SLC6A16: variants seen among roughly 807,000 people sequenced by gnomAD.
SLC6A16 encodes the protein solute carrier family 6 member 16, also known as orphan sodium- and chloride-dependent neurotransmitter transporter NTT5.
SLC6A16 carries 54 observed loss-of-function variants against 65.4 expected under a neutral mutation model. The observed-to-expected ratio is 0.83, with a 90% confidence interval of 0.66 to 1.04. The LOEUF is 1.04. Among genes scored for constraint, SLC6A16 ranks in the 50% least tolerant of loss-of-function variants. The probability of loss-of-function intolerance (pLI) is 0.00; values close to 1 mark genes in which losing one functional copy is unlikely to be tolerated. For synonymous variants in SLC6A16, 330 were observed against 346.5 expected (o/e 0.95, Z 0.53); for missense variants, 816 against 914.0 (o/e 0.89, Z 1.38).
At chr19:49,306,301 A>T (rs898539916) in intron 7 of SLC6A16, among the ~76,000 whole-genome samples, 4 of 152,042 alleles carry the variant, frequency 2.6e-5, no homozygotes, top group African/African-American at 9.7e-5. Context: ...CTGTCTCAAA[A>T]AAAAAAAGAA....
chr19:49,297,834 T>C (rs1367864921), intron 7 of SLC6A16, among the ~76,000 whole-genome samples: 1 of 152,032 alleles, frequency 6.6e-6, no homozygotes, highest in Non-Finnish European at 1.5e-5. Context: ...AAGTCAGATA[T>C]AAGAATGCAT....
chr19:49,330,182 A>C (rs569306208), upstream of SLC6A16, among the ~76,000 whole-genome samples: 3 of 152,204 alleles, frequency 2.0e-5, no homozygotes, highest in East Asian at 1.9e-4. Context: ...TTTACTGAAA[A>C]GGAAAGTACT....
chr19:49,299,435 T>C (rs1445958487), intron 7 of SLC6A16, among the ~76,000 whole-genome samples: 1 of 150,090 alleles, frequency 6.7e-6, no homozygotes. Context: ...GTGCCTGTAG[T>C]CCCAGCTACT....
chr19:49,297,763 G>A (rs1970212127), intron 7 of SLC6A16, among the ~76,000 whole-genome samples: 1 of 151,912 alleles, frequency 6.6e-6, no homozygotes, highest in Admixed American at 6.6e-5. Flanking sequence ...GGAATAAAAA[G>A]GAACGAACCT....
At chr19:49,340,323 C>T in the SLC6A16 span, 10 of 1,611,072 alleles carry the variant, frequency 6.2e-6, no homozygotes, top group Non-Finnish European at 8.5e-6. Flanking sequence ...CGCTCGATAC[C>T]GTTAGGCCCC....
In SLC6A16 at chr19:49,294,134, C is replaced by G. The variant is rs1970137134; in HGVS notation, c.1417-106G>C. 83 of 1,037,550 alleles carry G rather than the reference C, an allele frequency of 8.0e-5. 1 individual carries two copies. The South Asian group carries it at 1.1e-3, about 14-fold the overall frequency. The allele number at this position is 1,037,550 out of a possible 1,614,324, so 64.3% of individuals were successfully genotyped here. A position where few individuals can be genotyped will look rare whatever the true frequency, so the allele number is the denominator to read the frequency against. On this transcript the variant is annotated intron_variant, in intron 8 of 11. Coordinates refer to ENST00000335875, the MANE Select transcript of SLC6A16 (RefSeq NM_014037.3). The stretch of plus-strand genomic sequence containing the variant: ...TTCCCTGGAAAACTCCTGAAAATCC[C>G]TGGATCACTGAGAAAATCAGATGTC...
chr19:49,335,831 C>T, the SLC6A16 span: 1 of 1,500,858 alleles, frequency 6.7e-7, no homozygotes, highest in Non-Finnish European at 9.3e-7. This position sits in a 1 kb window ranked among gnomAD's most constrained non-coding sequence, Gnocchi z 4.6. Context: ...CCAACCCAAG[C>T]AACTTCCTGG....
chr19:49,290,273 G>T lies in SLC6A16; in HGVS notation c.2061C>A (p.Pro687=), dbSNP rs749393679. 1 of 1,614,164 alleles carries T rather than the reference G, an allele frequency of 6.2e-7. No individual in the cohort carries two copies. Among genetic ancestry groups the T allele is most frequent in the Non-Finnish European group, 8.5e-7 (1 of 1,180,042 alleles). The change falls in exon 12 of 12, where the codon CCC becomes CCA. Residue 687 remains proline (P), a synonymous_variant. Transcript: ENST00000335875. ...YFVYCRIHRI[P]FRPKSGDGPM... ...GCCCGTCTCCGCTCTTGGGCCTGAA[G>T]GGAATCCTATGTATGCGGCAGTATA...
intron 1 of SLC6A16, among the ~76,000 whole-genome samples, chr19:49,323,601 C>A (rs1251103943): frequency 2.6e-5 from 4 of 152,124 alleles, no homozygotes; most frequent in Non-Finnish European, 5.9e-5. Context: ...CCAAGAAGTA[C>A]ATGAAAAGAT....
intron 1 of SLC6A16, among the ~76,000 whole-genome samples, chr19:49,322,220 A>G (rs1455010716): frequency 6.6e-6 from 1 of 152,238 alleles, no homozygotes; most frequent in Non-Finnish European, 1.5e-5. Context: ...GAATTCAGCA[A>G]AGTAGCAGGA....
intron 10 of SLC6A16, 104 bp downstream of exon 10, chr19:49,293,119 G>A (rs990126321): frequency 2.4e-4 from 234 of 967,434 alleles, no homozygotes; most frequent in Middle Eastern, 9.8e-4. Flanking sequence ...TGAACTTAAG[G>A]GTCCCTATGT....
Position 49,293,954 on chromosome 19 carries a change from C to A in SLC6A16, c.1491G>T (p.Trp497Cys). ...GCAACATCAGGAAGAAGATAAAAGA[C>A]CAGAAGACAGACGGAGGAAGGAAGG... ...AMSFLPPSVFWSFIFFLMLLA... is the reference protein window; with the variant it reads ...AMSFLPPSVFCSFIFFLMLLA... Residue 497 changes from tryptophan to cysteine, a missense_variant, in exon 9 of 12, where the codon TGG becomes TGT. Physicochemically the swap from Trp to Cys is radical, Grantham distance 215. Coordinates refer to ENST00000335875, the MANE Select transcript of SLC6A16 (RefSeq NM_014037.3). 6.2e-7 allele frequency: 1 copy of A among 1,613,890 alleles called. No individual in the cohort carries two copies. The highest frequency in any genetic ancestry group is 8.5e-7 in the Non-Finnish European group (1 of 1,180,006).
chr19:49,291,830 G>A (rs1970084618), intron 10 of SLC6A16, among the ~76,000 whole-genome samples: 1 of 151,902 alleles, frequency 6.6e-6, no homozygotes, highest in South Asian at 2.1e-4. Context: ...CTCTGCTCAA[G>A]CATCCTCTCC....
At chr19:49,327,194 C>A (rs1600660622), upstream of SLC6A16, among the ~76,000 whole-genome samples, 1 of 152,018 alleles carries the variant, frequency 6.6e-6, no homozygotes, top group Admixed American at 6.5e-5. Context: ...CCTGCCTCAG[C>A]CTTCCGAGTA....
At position 49,309,038 on chromosome 19, in the gene SLC6A16, G is replaced by C. The variant is rs1486084430; in HGVS notation, c.1067C>G (p.Ser356Cys). 6.2e-7 allele frequency: 1 copy of C among 1,614,224 alleles called. No individual in the cohort carries two copies. Among genetic ancestry groups the C allele is most frequent in the South Asian group, 1.1e-5 (1 of 91,088 alleles). ...VLSNTGIGLG[S>C]VASLASYMPQ... ...CATGTAGGAGGCTAAGGAGGCAACG[G>C]AGCCAAGGCCTATGCCTGTGTTAGA... The change falls in exon 7 of 12, where the codon TCC (serine) becomes TGC (cysteine). Residue 356 changes from serine (S) to cysteine (C), a missense_variant. Ser to Cys is a moderately radical substitution (Grantham distance 112). Coordinates refer to ENST00000335875, the MANE Select transcript of SLC6A16 (RefSeq NM_014037.3).
At chr19:49,328,634 G>A (rs1035239580), upstream of SLC6A16, among the ~76,000 whole-genome samples, 1 of 152,204 alleles carries the variant, frequency 6.6e-6, no homozygotes, top group African/African-American at 2.4e-5. Flanking sequence ...GGATTGTGTG[G>A]TGGTTTTAAA....
At position 49,292,946 on chromosome 19, in the gene SLC6A16, A is replaced by G. The variant is rs1451017441; in HGVS notation, c.1778+277T>C. On this transcript the variant is annotated intron_variant, in intron 10 of 11. Transcript: ENST00000335875. This position sits in a 1 kb window ranked among gnomAD's most constrained non-coding sequence, Gnocchi z 4.3. ...TTATTCTTTATTTGCTAATCTGGTT[A>G]TTGTCTCTCTAGACCACTAAAATGT... Among the ~76,000 whole-genome samples the G allele has an allele frequency of 6.6e-6, 1 of 152,140 alleles. No individual in the cohort carries two copies. The highest frequency in any genetic ancestry group is 2.4e-5 in the African/African-American group (1 of 41,426).
chr19:49,321,332 A>C (rs947883869), intron 1 of SLC6A16, among the ~76,000 whole-genome samples: 41 of 152,238 alleles, frequency 2.7e-4, no homozygotes, highest in African/African-American at 8.4e-4. Context: ...AAAAAAAAAA[A>C]AAAACTCAAC....
At chr19:49,326,065 G>C (rs1280870901), upstream of SLC6A16, among the ~76,000 whole-genome samples, 1 of 151,716 alleles carries the variant, frequency 6.6e-6, no homozygotes, top group African/African-American at 2.4e-5. Context: ...AGCTACTCGG[G>C]AGCCTGAGGC....
Sources: allele counts gnomAD v4.1 joint callset (sites outside exome capture counted in the v4.1 genomes callset), GRCh38; gene constraint gnomAD v4.1.1; non-coding constraint Gnocchi (gnomAD v3.1); transcripts MANE v1.5; gene names NCBI Gene and HGNC (gene_info 2026-07-23, HGNC 2026-07-21).